Variants in DIAPH2 observed in about 807,000 individuals in gnomAD.
DIAPH2 encodes diaphanous related formin 2, also known as protein diaphanous homolog 2.
A neutral mutation model predicts 92.7 loss-of-function variants in DIAPH2; 35 were observed. That is an observed-to-expected ratio of 0.38 (90% CI 0.29 to 0.50). The LOEUF (loss-of-function observed/expected upper bound fraction) is 0.50, where lower values mean the gene tolerates loss of function less well. DIAPH2 is among the 20% of genes least tolerant of loss of function. The probability of loss-of-function intolerance (pLI) is 0.94; values close to 1 mark genes in which losing one functional copy is unlikely to be tolerated. For missense variants in DIAPH2, 701 were observed against 819.5 expected, an observed-to-expected ratio of 0.86 and a Z score of 1.77; for synonymous variants, 301 against 280.4, an observed-to-expected ratio of 1.07 and a Z score of -0.73.
At chrX:97,044,968 A>C (rs1376499360) in intron 17 of DIAPH2, among the ~76,000 whole-genome samples, 2 of 111,772 alleles carry the variant, frequency 1.8e-5, no homozygotes, top group African/African-American at 3.3e-5. Flanking sequence ...ACCTCTCAGC[A>C]GCATTTTATA....
At chrX:97,199,470 T>G (rs2067730719) in intron 22 of DIAPH2, among the ~76,000 whole-genome samples, 1 of 111,713 alleles carries the variant, frequency 9.0e-6, no homozygotes, top group African/African-American at 3.3e-5. Flanking sequence ...AAGCAAGCAT[T>G]TATGTAAAGC....
intron 24 of DIAPH2, among the ~76,000 whole-genome samples, chrX:97,356,411 G>A (rs888205340): frequency 3.6e-5 from 4 of 111,268 alleles, no homozygotes; most frequent in African/African-American, 1.3e-4. Flanking sequence ...AATTCCCTTT[G>A]AGCTCAGCTG....
chrX:97,540,358 A>G (rs2071130435), intron 26 of DIAPH2, among the ~76,000 whole-genome samples: 1 of 112,035 alleles, frequency 8.9e-6, no homozygotes, highest in African/African-American at 3.2e-5. Context: ...TAATTAAACA[A>G]AGAAGAGTTC....
chrX:97,265,558 G>C (rs1398459976), intron 23 of DIAPH2, among the ~76,000 whole-genome samples: 1 of 111,920 alleles, frequency 8.9e-6, no homozygotes, highest in Non-Finnish European at 1.9e-5. Flanking sequence ...CGTTTGAGCT[G>C]AGGCCTGAAA....
chrX:97,596,352 C>G (rs2071551509), intron 26 of DIAPH2, among the ~76,000 whole-genome samples: 1 of 112,075 alleles, frequency 8.9e-6, no homozygotes, highest in Admixed American at 9.5e-5. Context: ...CCATTTTTCT[C>G]TCTTTGATTT....
At chrX:97,042,445 G>A (rs955325603) in intron 17 of DIAPH2, among the ~76,000 whole-genome samples, 3 of 111,556 alleles carry the variant, frequency 2.7e-5, no homozygotes, top group Non-Finnish European at 5.7e-5. Context: ...ATAAAATCCA[G>A]AAAATAGATG....
At chrX:96,884,699 T>C (rs766456237) in intron 5 of DIAPH2, 1 of 1,210,823 alleles carries the variant, frequency 8.3e-7, no homozygotes, top group East Asian at 3.0e-5. Context: ...GTGTTTGGTA[T>C]CCTCAAATGT....
chrX:97,463,097 A>G (rs1182909312), intron 26 of DIAPH2, among the ~76,000 whole-genome samples: 2 of 110,424 alleles, frequency 1.8e-5, no homozygotes, highest in African/African-American at 6.6e-5. Context: ...TGGAAATGGG[A>G]TCTTTGCTCT....
intron 25 of DIAPH2, among the ~76,000 whole-genome samples, chrX:97,425,296 C>T (rs149152986): frequency 0.013 from 1,440 of 111,516 alleles, 23 homozygotes; most frequent in African/African-American, 0.045. Flanking sequence ...AGTCAAAAGA[C>T]ACAAAATTTC....
In DIAPH2 at chrX:97,150,466, A is replaced by G. The variant is rs756247700; in HGVS notation, c.2719+8672A>G. On this transcript the variant is annotated intron_variant, in intron 22 of 26. Coordinates refer to ENST00000324765, the MANE Select transcript of DIAPH2 (RefSeq NM_006729.5). ...CCTTAGCTTTTGCATCTCAAAATCT[A>G]TTTTTGCTAGGGAACTGTATAATAG... is the stretch of plus-strand genomic sequence containing the variant. Among the ~76,000 whole-genome samples the G allele has an allele frequency of 4.5e-5, 5 of 111,389 alleles. No homozygotes were observed. The East Asian group carries it at 1.1e-3, about 25-fold the overall frequency.
chrX:97,139,323 TTA>T (rs1168318900), intron 21 of DIAPH2, among the ~76,000 whole-genome samples: 12 of 106,561 alleles, frequency 1.1e-4, no homozygotes, highest in East Asian at 2.9e-4. Context: ...TATTTTAATA[TTA>T]TATATATATA....
intron 23 of DIAPH2, among the ~76,000 whole-genome samples, chrX:97,276,699 A>T (rs1261188197): frequency 8.9e-6 from 1 of 112,292 alleles, no homozygotes; most frequent in Non-Finnish European, 1.9e-5. Flanking sequence ...TCTCCTCCAG[A>T]GTTTACCACT....
At chrX:97,106,232 T>C (rs2066939784) in intron 20 of DIAPH2, among the ~76,000 whole-genome samples, 1 of 111,781 alleles carries the variant, frequency 8.9e-6, no homozygotes, top group Admixed American at 9.5e-5. Flanking sequence ...TTTTGATTTG[T>C]AATGCCCTGA....
intron 24 of DIAPH2, among the ~76,000 whole-genome samples, chrX:97,367,856 C>G (rs2069397496): frequency 9.0e-6 from 1 of 110,892 alleles, no homozygotes; most frequent in African/African-American, 3.3e-5. Context: ...GTGCTCGCCA[C>G]CAGGCCCAGC....
intron 26 of DIAPH2, among the ~76,000 whole-genome samples, chrX:97,568,352 A>G (rs1282113294): frequency 9.0e-6 from 1 of 110,938 alleles, no homozygotes; most frequent in East Asian, 2.8e-4. Context: ...ATGACATGTC[A>G]GATAACACAA....
rs1367706050 is a variant in DIAPH2, at chrX:97,497,951, A to G, written c.3241+68206A>G. Among the ~76,000 whole-genome samples the G allele has an allele frequency of 4.5e-5, 5 of 111,232 alleles. No homozygotes were observed. In the East Asian group the frequency reaches 1.4e-3, roughly 31 times the overall value. On this transcript the variant is annotated intron_variant, in intron 26 of 26. Transcript: ENST00000324765. The stretch of plus-strand genomic sequence containing the variant: ...GCATGCTAAAGTTTTTAAAGGTAAT[A>G]TAGGGTTAAGAAAATATGAGGAAGA...
chrX:97,060,143 G>A (rs187297450), intron 17 of DIAPH2, among the ~76,000 whole-genome samples: 3 of 112,416 alleles, frequency 2.7e-5, no homozygotes, highest in Admixed American at 1.9e-4. Context: ...AGCATTCTGC[G>A]CTAAAAGCAG....
intron 4 of DIAPH2, among the ~76,000 whole-genome samples, chrX:96,836,951 T>A (rs1210922658): frequency 9.6e-6 from 1 of 103,889 alleles, no homozygotes; most frequent in Admixed American, 1.0e-4. Context: ...ATGGTCTCGA[T>A]CTCCTGACCT....
At chrX:97,433,807 G>T (rs1485829914) in intron 26 of DIAPH2, among the ~76,000 whole-genome samples, 1 of 112,069 alleles carries the variant, frequency 8.9e-6, no homozygotes, top group African/African-American at 3.2e-5. Context: ...TTATAGGAAC[G>T]ATAAAAAGCA....
Sources: allele counts gnomAD v4.1 joint callset (sites outside exome capture counted in the v4.1 genomes callset), GRCh38; gene constraint gnomAD v4.1.1; transcripts MANE v1.5; gene names NCBI Gene and HGNC (gene_info 2026-07-23, HGNC 2026-07-21).